The following ARHGEF33 variants were observed in gnomAD, a reference collection of about 807,000 sequenced individuals.
ARHGEF33 encodes Rho guanine nucleotide exchange factor 33, also known as DH and coiled-coil domain-containing protein ENSP00000381780.
Under a neutral mutation model 101.9 loss-of-function variants are expected in ARHGEF33, and 72 were observed. The observed-to-expected ratio is 0.71, with a 90% CI of 0.58 to 0.86. The LOEUF is 0.86. ARHGEF33 is among the 40% of genes least tolerant of loss of function. ARHGEF33 has a pLI of 0.00. For missense variants in ARHGEF33, 1,169 were observed against 1,111.3 expected, an observed-to-expected ratio of 1.05 and a Z score of -0.74; for synonymous variants, 499 against 442.5, an observed-to-expected ratio of 1.13 and a Z score of -1.60.
chr2:38,958,714 AT>A (rs11333774), intron 15 of ARHGEF33, among the ~76,000 whole-genome samples: 140,555 of 151,916 alleles, frequency 0.93, 65,124 homozygotes, highest in Non-Finnish European at 0.93. Context: ...CATTGTTTTT[AT>A]TTTTTTTTGA....
At chr2:38,971,863 G>C in intron 17 of ARHGEF33, 1 of 718,586 alleles carries the variant, frequency 1.4e-6, no homozygotes, top group South Asian at 1.5e-5. Flanking sequence ...TTTGGCATTT[G>C]TTTCAGAAAT....
intron 4 of ARHGEF33, among the ~76,000 whole-genome samples, chr2:38,925,854 G>A (rs1369124751): frequency 6.6e-6 from 1 of 151,960 alleles, no homozygotes; most frequent in Non-Finnish European, 1.5e-5. Flanking sequence ...TTACTTCTTG[G>A]TAGCCTCCTG....
Position 38,974,755 on chromosome 2 carries a change from A to G in ARHGEF33, c.*912A>G, listed in dbSNP as rs1161662997. On this transcript the variant is annotated 3_prime_UTR_variant, in exon 18 of 18. Transcript: ENST00000409978. ...AAGGTGGCAATAGCACCAAAACTTC[A>G]ATGGCTCACACACAGCAGTTGCTAC... The G allele has an allele frequency of 6.6e-6, 1 of 152,242 alleles. No individual in the cohort carries two copies. Among genetic ancestry groups the G allele is most frequent in the Admixed American group, 6.5e-5 (1 of 15,284 alleles). The allele number at this position is 152,242 out of a possible 1,614,324, so 9.4% of individuals were successfully genotyped here.
chr2:38,897,166 G>A (rs946771888), intron 2 of ARHGEF33, among the ~76,000 whole-genome samples: 6 of 152,024 alleles, frequency 3.9e-5, no homozygotes, highest in Admixed American at 6.6e-5. Context: ...CGCCCGCCTC[G>A]GCCTCCAAAA....
chr2:38,963,731 T>C (rs976507676), intron 16 of ARHGEF33, among the ~76,000 whole-genome samples: 1 of 152,190 alleles, frequency 6.6e-6, no homozygotes, highest in African/African-American at 2.4e-5. Flanking sequence ...GAACTTGTTA[T>C]AGATGCAGAA....
In ARHGEF33 at chr2:38,975,356, C is replaced by T. The variant is rs555491396; in HGVS notation, c.*1513C>T. 6.6e-6 allele frequency: 1 copy of T among 152,262 alleles called. No homozygotes were observed. The highest frequency in any genetic ancestry group is 2.1e-4 in the South Asian group (1 of 4,818). The allele number at this position is 152,262 out of a possible 1,614,324, so 9.4% of individuals were successfully genotyped here. On this transcript the variant is annotated 3_prime_UTR_variant, in exon 18 of 18. Transcript: ENST00000409978. ...ATTAGATTTTTCTCTTATTATGTGG[C>T]CGGCAGTGCTTGCAAGCACAACGCC... is the stretch of plus-strand genomic sequence containing the variant.
At chr2:38,942,555 A>G (rs1667341870) in intron 9 of ARHGEF33, among the ~76,000 whole-genome samples, 1 of 150,424 alleles carries the variant, frequency 6.6e-6, no homozygotes, top group African/African-American at 2.4e-5. Context: ...CAATGTTTAA[A>G]AGTTTCTCCT....
intron 10 of ARHGEF33, among the ~76,000 whole-genome samples, chr2:38,945,118 G>A (rs183809635): frequency 6.6e-6 from 1 of 152,286 alleles, no homozygotes; most frequent in Non-Finnish European, 1.5e-5. Flanking sequence ...AGAATGGAAA[G>A]TCTGGATTAT....
chr2:38,934,471 T>C (rs1236741592), intron 7 of ARHGEF33, among the ~76,000 whole-genome samples: 1 of 56,322 alleles, frequency 1.8e-5, no homozygotes, highest in Non-Finnish European at 3.2e-5. Flanking sequence ...CTTTTCTCTC[T>C]TCCTCCCGCT....
intron 10 of ARHGEF33, among the ~76,000 whole-genome samples, chr2:38,944,906 C>G (rs1288576297): frequency 4.1e-5 from 3 of 72,540 alleles, no homozygotes; most frequent in Non-Finnish European, 8.4e-5. Context: ...TGTGTGCGCG[C>G]TCATAGGGTC....
At chr2:38,931,332 TC>T in intron 7 of ARHGEF33, 81 bp downstream of exon 7, 7 of 1,258,698 alleles carry the variant, frequency 5.6e-6, no homozygotes, top group Non-Finnish European at 7.5e-6. Flanking sequence ...AAACCCTCCA[TC>T]TTTGTTAGAA....
chr2:38,944,254 A>G (rs1466145995), intron 10 of ARHGEF33, among the ~76,000 whole-genome samples: 1 of 152,208 alleles, frequency 6.6e-6, no homozygotes, highest in Admixed American at 6.5e-5. Flanking sequence ...TTCTCTCACA[A>G]TTCTGGAGAC....
intron 14 of ARHGEF33, 127 bp downstream of exon 14, chr2:38,957,174 G>A (rs1667788275): frequency 8.3e-7 from 1 of 1,201,290 alleles, no homozygotes; most frequent in Non-Finnish European, 1.2e-6. Context: ...AGAGAGAAGG[G>A]GAGAGAAAGA....
At chr2:38,913,442 C>A (rs1666559574) in intron 2 of ARHGEF33, among the ~76,000 whole-genome samples, 1 of 152,022 alleles carries the variant, frequency 6.6e-6, no homozygotes. Context: ...TTATGGCTAA[C>A]ATAAGCTTAA....
Position 38,960,212 on chromosome 2 carries a change from C to A in ARHGEF33, c.1907C>A (p.Ala636Asp). 6.5e-7 allele frequency: 1 copy of A among 1,546,728 alleles called. No individual in the cohort carries two copies. The highest frequency in any genetic ancestry group is 8.7e-7 in the Non-Finnish European group (1 of 1,145,232). Residue 636 changes from alanine to aspartate, a missense_variant, in exon 16 of 18, where the codon GCT becomes GAT. Coordinates refer to ENST00000409978, the MANE Select transcript of ARHGEF33 (RefSeq NM_001145451.5). Reference sequence around the variant, plus strand: ...CCCTACGACGAGGAGCCGTTCCAGGCTCCGGCCCTCTTCGAGAACTGCTCG... The same window carrying A: ...CCCTACGACGAGGAGCCGTTCCAGGATCCGGCCCTCTTCGAGAACTGCTCG... ...PAPYDEEPFQ[A>D]PALFENCSPA...
rs1668252211 is a variant in ARHGEF33, at chr2:38,975,274, A to G, written c.*1431A>G. ...TCACTGCCAAGTTTTTTGAGTTTCCAGGATCTAAGTTTAAGCCAAGATTTT... is the reference window on the plus strand; with the variant it reads ...TCACTGCCAAGTTTTTTGAGTTTCCGGGATCTAAGTTTAAGCCAAGATTTT... On this transcript the variant is annotated 3_prime_UTR_variant, in exon 18 of 18. Coordinates refer to ENST00000409978, the MANE Select transcript of ARHGEF33 (RefSeq NM_001145451.5). The G allele has an allele frequency of 6.6e-6, 1 of 152,234 alleles. No individual in the cohort carries two copies. Among genetic ancestry groups the G allele is most frequent in the South Asian group, 2.1e-4 (1 of 4,834 alleles). 9.4% of individuals were successfully genotyped at this position (152,234 alleles called of 1,614,324 possible).
rs530447115 is a variant in ARHGEF33, at chr2:38,900,276, T to C, written c.-86+4427T>C. On this transcript the variant is annotated intron_variant, in intron 2 of 17. Transcript: ENST00000409978. ...AAATACCAATAATGCAGTTTGAGAA[T>C]GTAGCAGAAGAGGGATTGACTAATT... is the stretch of plus-strand genomic sequence containing the variant. Among the ~76,000 whole-genome samples the C allele has an allele frequency of 3.2e-4, 49 of 152,272 alleles. 1 individual carries two copies. In the South Asian group the frequency reaches 8.9e-3, roughly 28 times the overall value.
chr2:38,965,565 A>G (rs968511129), intron 16 of ARHGEF33, among the ~76,000 whole-genome samples: 1 of 152,226 alleles, frequency 6.6e-6, no homozygotes, highest in Non-Finnish European at 1.5e-5. Context: ...CTAGCATTAC[A>G]AGTAAGGAAC....
rs2124419204 is a variant in ARHGEF33 at position 38,956,951 on chromosome 2, T to G, written c.1274T>G (p.Val425Gly). Residue 425 changes from valine (V) to glycine (G), a missense_variant, in exon 14 of 18, where the codon GTG (valine) becomes GGG (glycine). Transcript: ENST00000409978. ...CACCCTGACTATTATCTACTACTGG[T>G]GTGTGTCCAGCGCCTCCGAGTATTT... is the stretch of plus-strand genomic sequence containing the variant. ...QEHPDYYLLL[V>G]CVQRLRVFIS... 4 of 1,552,344 alleles carry G rather than the reference T, an allele frequency of 2.6e-6. No individual in the cohort carries two copies. The highest frequency in any genetic ancestry group is 3.5e-6 in the Non-Finnish European group (4 of 1,147,132).
Sources: allele counts gnomAD v4.1 joint callset (sites outside exome capture counted in the v4.1 genomes callset), GRCh38; gene constraint gnomAD v4.1.1; transcripts MANE v1.5; gene names NCBI Gene and HGNC (gene_info 2026-07-23, HGNC 2026-07-21).